The following TSBP1 variants were observed in gnomAD, a reference collection of about 807,000 sequenced individuals.
The protein encoded by TSBP1 is testis-expressed basic protein 1.
A neutral mutation model predicts 68.8 loss-of-function variants in TSBP1; 56 were observed. The observed-to-expected ratio is 0.81, with a 90% CI of 0.66 to 1.02. The LOEUF is 1.02. Ranked by LOEUF, TSBP1 falls within the 50% of genes least tolerant of loss-of-function variation. TSBP1 has a pLI of 0.00. For synonymous variants in TSBP1, 171 were observed against 208.7 expected (o/e 0.82, Z 1.56); for missense variants, 502 against 641.2 (o/e 0.78, Z 2.34).
At chr6:32,323,214 G>T in intron 17 of TSBP1, 77 bp from the exon 19 acceptor site, 1 of 951,164 alleles carries the variant, frequency 1.1e-6, no homozygotes, top group Non-Finnish European at 1.7e-6. Flanking sequence ...TATTTGTGTA[G>T]GGGAGAAACT....
At chr6:32,326,089 G>A (rs1215051434) in intron 16 of TSBP1, 24 of 1,384,352 alleles carry the variant, frequency 1.7e-5, no homozygotes, top group Middle Eastern at 4.9e-4. Flanking sequence ...CTATGGTGGT[G>A]GAGGCCAATA....
At chr6:32,364,718 G>A (rs1429723496) in intron 6 of TSBP1, among the ~76,000 whole-genome samples, 2 of 152,000 alleles carry the variant, frequency 1.3e-5, no homozygotes, top group Non-Finnish European at 2.9e-5. Context: ...CAGGCAACTG[G>A]TGGATTGATT....
At chr6:32,332,601 T>TG (rs1769174507) in intron 14 of TSBP1, among the ~76,000 whole-genome samples, 1 of 150,006 alleles carries the variant, frequency 6.7e-6, no homozygotes, top group Non-Finnish European at 1.5e-5. Flanking sequence ...CTTCTGTTTT[T>TG]TTTTGTTTTG....
chr6:32,305,005 C>T (rs971279344), intron 19 of TSBP1, among the ~76,000 whole-genome samples: 2 of 152,168 alleles, frequency 1.3e-5, no homozygotes, highest in Non-Finnish European at 2.9e-5. Flanking sequence ...GGGCAGGTCT[C>T]GCTAACGCAG....
rs898600766 is a variant in TSBP1 at position 32,344,076 on chromosome 6, CATTT to C, written c.350-4442_350-4439del. Among the ~76,000 whole-genome samples, 349 of 151,680 alleles carry C rather than the reference CATTT, an allele frequency of 2.3e-3. 9 individuals are homozygous for C. The highest frequency in any genetic ancestry group is 4.6e-3 in the East Asian group (24 of 5,172). On this transcript the variant is annotated intron_variant, in intron 9 of 22. Coordinates refer to ENST00000612031, the Ensembl canonical transcript of TSBP1. ...TAATTCTCACCATCTTTTGGAACTG[CATTT>C]ATTTAATTTAATTTATTTATTTATT...
At position 32,337,671 on chromosome 6, in the gene TSBP1, CACACAT is replaced by C. The variant is rs1401320434; in HGVS notation, c.410-1042_410-1037del. 6.6e-6 allele frequency among the ~76,000 whole-genome samples: 1 copy of C among 152,110 alleles called. No individual in the cohort carries two copies. Among genetic ancestry groups the C allele is most frequent in the Non-Finnish European group, 1.5e-5 (1 of 68,024 alleles). On this transcript the variant is annotated intron_variant, in intron 11 of 22. Transcript: ENST00000612031. This position sits in a 1 kb window ranked among gnomAD's most constrained non-coding sequence, Gnocchi z 5.5. ...CAGTCTTCTTCTTTATGACCACACACACACATACACATACACACACACACACCCCAC... is the reference window on the plus strand; with the variant it reads ...CAGTCTTCTTCTTTATGACCACACACACACATACACACACACACACCCCAC...
At chr6:32,297,736 T>C (rs1299361472) in intron 22 of TSBP1, among the ~76,000 whole-genome samples, 1 of 152,162 alleles carries the variant, frequency 6.6e-6, no homozygotes, top group Non-Finnish European at 1.5e-5. Context: ...CTTTGAACAT[T>C]GACTTAAACC....
chr6:32,359,233 A>G (rs1027909034), intron 6 of TSBP1, among the ~76,000 whole-genome samples: 4 of 152,008 alleles, frequency 2.6e-5, no homozygotes, highest in African/African-American at 7.3e-5. Flanking sequence ...TGACTTCCAC[A>G]ATGGTTGAAC....
Position 32,336,623 on chromosome 6 carries a change from G to A in TSBP1, c.422C>T (p.Ala141Val), listed in dbSNP as rs1206527033. 6 of 1,612,046 alleles carry A rather than the reference G, an allele frequency of 3.7e-6. No individual in the cohort carries two copies. Among genetic ancestry groups the A allele is most frequent in the Non-Finnish European group, 5.1e-6 (6 of 1,179,254 alleles). The change falls in exon 12 of 23, where the codon GCC becomes GTC. Residue 141 changes from alanine to valine, a missense_variant. Physicochemically the swap from Ala to Val is moderately conservative, Grantham distance 64. Coordinates refer to ENST00000612031, the Ensembl canonical transcript of TSBP1. The surrounding 1 kb of genome is among the most constrained non-coding windows in gnomAD (Gnocchi z 5.2). Reference sequence around the variant, plus strand: ...ACAAACTTGATACTTACGAATAGGGGCTGTGAATTGCACTGAAATACAAAA... The same window carrying A: ...ACAAACTTGATACTTACGAATAGGGACTGTGAATTGCACTGAAATACAAAA...
Position 32,367,976 on chromosome 6 carries a change from C to G in TSBP1, c.134-19G>C, listed in dbSNP as rs749921011. 2.1e-5 allele frequency: 33 copies of G among 1,586,824 alleles called. No homozygotes were observed. The highest frequency in any genetic ancestry group is 2.8e-5 in the Non-Finnish European group (33 of 1,170,418). On this transcript the variant is annotated intron_variant, in intron 3 of 22. Coordinates refer to ENST00000612031, the Ensembl canonical transcript of TSBP1. ...CTAGCACCTAGAAAAAAAGGGAGAG[C>G]ACATGATTTTGCTTCTTGATTATTA...
At chr6:32,323,347 A>T in intron 17 of TSBP1, 1 of 683,606 alleles carries the variant, frequency 1.5e-6, no homozygotes, top group Admixed American at 2.3e-5. Context: ...AAATGAGGTA[A>T]TGTAATTAAA....
At chr6:32,327,654 C>CTTTTATTTTTTTTCTTTCTTT (rs70993815) in intron 16 of TSBP1, among the ~76,000 whole-genome samples, 4 of 146,992 alleles carry the variant, frequency 2.7e-5, no homozygotes, top group Non-Finnish European at 6.0e-5. Flanking sequence ...TTTTCTTTTT[C>CTTTTATTTTTTTTCTTTCTTT]TTTTTTTTTT....
At position 32,362,304 on chromosome 6, in the gene TSBP1, A is replaced by AAAG. The variant is rs1226904344; in HGVS notation, c.217+3862_217+3863insCTT. Among the ~76,000 whole-genome samples, 60 of 151,274 alleles carry AAAG rather than the reference A, an allele frequency of 4.0e-4. 1 individual carries two copies. Among genetic ancestry groups the AAAG allele is most frequent in the African/African-American group, 1.4e-3 (57 of 41,288 alleles). ...ACTCCGTCTCAAAAAAAAAAAAAAA[A>AAAG]AGAAGAGGAACGACCTAAGCACAGC... On this transcript the variant is annotated intron_variant, in intron 6 of 22. Coordinates refer to ENST00000612031, the Ensembl canonical transcript of TSBP1.
rs1253180544 is a variant in TSBP1 at position 32,361,380 on chromosome 6, T to G, written c.217+4787A>C. On this transcript the variant is annotated intron_variant, in intron 6 of 22. Transcript: ENST00000612031. The surrounding 1 kb of genome is among the most constrained non-coding windows in gnomAD (Gnocchi z 4.3). ...TTTATAGTAGCATGATTTATAATCC[T>G]TTGGGTATATACCCAATAATGAGAT... Among the ~76,000 whole-genome samples, 1 of 152,180 alleles carries G rather than the reference T, an allele frequency of 6.6e-6. No individual in the cohort carries two copies. The highest frequency in any genetic ancestry group is 1.5e-5 in the Non-Finnish European group (1 of 68,034).
chr6:32,349,964 C>T, intron 8 of TSBP1: 1 of 761,246 alleles, frequency 1.3e-6, no homozygotes, highest in Admixed American at 1.8e-5. Flanking sequence ...TAAGGTGGGA[C>T]TACAAGATCT....
chr6:32,343,267 C>A lies in TSBP1; in HGVS notation c.350-3629G>T, dbSNP rs550572395. On this transcript the variant is annotated intron_variant, in intron 9 of 22. Transcript: ENST00000612031. This position sits in a 1 kb window ranked among gnomAD's most constrained non-coding sequence, Gnocchi z 4.3. ...GGATCCTTGAGGTAAAGCTAAAGAA[C>A]AATAACAATTATTCAAGTCAGTCTA... 5.1e-6 allele frequency: 7 copies of A among 1,384,644 alleles called. No individual in the cohort carries two copies. In the Admixed American group the frequency reaches 1.9e-4, roughly 38 times the overall value. 85.8% of individuals were successfully genotyped at this position (1,384,644 alleles called of 1,614,324 possible). A position where few individuals can be genotyped will look rare whatever the true frequency, so the allele number is the denominator to read the frequency against.
In TSBP1 at chr6:32,371,555, A is replaced by G. The variant is rs1753379427; in HGVS notation, c.13+139T>C. 6.9e-6 allele frequency: 5 copies of G among 719,770 alleles called. No homozygotes were observed. In the Admixed American group the frequency reaches 1.1e-4, roughly 16 times the overall value. 44.6% of individuals were successfully genotyped at this position (719,770 alleles called of 1,614,324 possible). On this transcript the variant is annotated intron_variant, in intron 1 of 22. Transcript: ENST00000612031. ...CCAGGCTTCCAGAGGAATCAATAAG[A>G]GTGAAAGAAAAAATACTGAATTTGA...
rs546815809 is a variant in TSBP1 at position 32,316,124 on chromosome 6, A to T, written c.560-332T>A. Among the ~76,000 whole-genome samples the T allele has an allele frequency of 1.3e-5, 2 of 152,344 alleles. No individual in the cohort carries two copies. Among genetic ancestry groups the T allele is most frequent in the South Asian group, 4.1e-4 (2 of 4,822 alleles). ...ATAGCATTATAATGTTTGAGAGAACACTGAAAGCCTCTCTCCATTTAAACA... is the reference window on the plus strand; with the variant it reads ...ATAGCATTATAATGTTTGAGAGAACTCTGAAAGCCTCTCTCCATTTAAACA... On this transcript the variant is annotated intron_variant, in intron 18 of 22. Transcript: ENST00000612031. The surrounding 1 kb of genome is among the most constrained non-coding windows in gnomAD (Gnocchi z 4.5).
Position 32,327,402 on chromosome 6 carries a change from C to G in TSBP1, c.514+3187G>C, listed in dbSNP as rs118164049. On this transcript the variant is annotated intron_variant, in intron 16 of 22. Transcript: ENST00000612031. Reference sequence around the variant, plus strand: ...CCCTTGATAGGCTTAAAGAGGGTAACTGCAGAGAGGATATGGGGGGCCCTA... The same window carrying G: ...CCCTTGATAGGCTTAAAGAGGGTAAGTGCAGAGAGGATATGGGGGGCCCTA... 6.7e-3 allele frequency among the ~76,000 whole-genome samples: 1,021 copies of G among 152,272 alleles called. 17 individuals carry two copies. The highest frequency in any genetic ancestry group is 0.019 in the East Asian group (100 of 5,162).
Sources: gnomAD v4.1 joint callset for allele counts (sites outside exome capture counted in the v4.1 genomes callset) on GRCh38, gnomAD v4.1.1 for gene constraint, Gnocchi (gnomAD v3.1) non-coding constraint, MANE v1.5 for transcripts, NCBI Gene and HGNC (gene_info 2026-07-23, HGNC 2026-07-21) for gene names.